Variants in MAF observed in about 807,000 individuals in gnomAD.
MAF encodes MAF bZIP transcription factor, also known as transcription factor Maf.
In MAF, 10 loss-of-function variants were observed where a neutral mutation model predicts 22.0. The observed-to-expected ratio is 0.45, with a 90% CI of 0.28 to 0.77. The LOEUF is 0.77. Ranked by LOEUF, MAF falls within the 30% of genes least tolerant of loss-of-function variation. The probability of loss-of-function intolerance (pLI) is 0.12; values close to 1 mark genes in which losing one functional copy is unlikely to be tolerated. For synonymous variants in MAF, 337 were observed against 255.8 expected, an observed-to-expected ratio of 1.32 and a Z score of -3.03; for missense variants, 544 against 548.4, an observed-to-expected ratio of 0.99 and a Z score of 0.08.
the MAF span, among the ~76,000 whole-genome samples, chr16:79,534,579 G>A: frequency 1.3e-5 from 2 of 149,300 alleles, no homozygotes; most frequent in African/African-American, 2.5e-5. Flanking sequence ...ACACACCGGG[G>A]CCTGTCATGG....
the MAF span, among the ~76,000 whole-genome samples, chr16:79,294,912 C>A: frequency 4.6e-5 from 7 of 152,146 alleles, no homozygotes; most frequent in African/African-American, 1.7e-4. Context: ...GAACAAGGAA[C>A]AAAGAAGGAG....
At chr16:79,438,079 G>A in the MAF span, among the ~76,000 whole-genome samples, 2 of 152,144 alleles carry the variant, frequency 1.3e-5, no homozygotes, top group African/African-American at 2.4e-5. Flanking sequence ...CCAGGTCTGA[G>A]CAGGCTTTAG....
chr16:79,208,474 G>C, the MAF span, among the ~76,000 whole-genome samples: 4,377 of 152,172 alleles, frequency 0.029, 220 homozygotes, highest in African/African-American at 0.1. Flanking sequence ...AGTAAGCATT[G>C]ATGACAACTG....
At chr16:79,480,619 G>C in the MAF span, among the ~76,000 whole-genome samples, 1 of 152,130 alleles carries the variant, frequency 6.6e-6, no homozygotes, top group Non-Finnish European at 1.5e-5. Context: ...ATGGAGGGAG[G>C]GTAGAAGGGT....
the MAF span, among the ~76,000 whole-genome samples, chr16:79,231,270 G>C: frequency 1.3e-5 from 2 of 152,054 alleles, no homozygotes; most frequent in Non-Finnish European, 2.9e-5. Flanking sequence ...ACCCGGGCTA[G>C]CATGCACACA....
At chr16:79,447,425 T>C in the MAF span, among the ~76,000 whole-genome samples, 4 of 151,776 alleles carry the variant, frequency 2.6e-5, no homozygotes, top group Non-Finnish European at 5.9e-5. Context: ...ATGTACAAGG[T>C]GATGGATGTT....
At chr16:79,393,273 G>A in the MAF span, among the ~76,000 whole-genome samples, 8 of 152,156 alleles carry the variant, frequency 5.3e-5, no homozygotes, top group South Asian at 1.4e-3. Flanking sequence ...GGATTCCAAA[G>A]GGATTTCTTT....
At chr16:79,320,134 C>T in the MAF span, among the ~76,000 whole-genome samples, 1 of 152,088 alleles carries the variant, frequency 6.6e-6, no homozygotes, top group Non-Finnish European at 1.5e-5. Context: ...AGGCAGAACC[C>T]ATGTCCAGGA....
chr16:79,406,848 G>T, the MAF span, among the ~76,000 whole-genome samples: 1 of 152,068 alleles, frequency 6.6e-6, no homozygotes, highest in Non-Finnish European at 1.5e-5. Context: ...GCCCTTCCTG[G>T]GACAGAGGAA....
At chr16:79,207,788 C>CTT in the MAF span, among the ~76,000 whole-genome samples, 24 of 150,788 alleles carry the variant, frequency 1.6e-4, no homozygotes, top group African/African-American at 4.4e-4. Flanking sequence ...TATGTGGGTG[C>CTT]TTTTTTTTTC....
At chr16:79,280,626 T>G in the MAF span, among the ~76,000 whole-genome samples, 4 of 152,154 alleles carry the variant, frequency 2.6e-5, no homozygotes, top group Non-Finnish European at 5.9e-5. Flanking sequence ...AAATAGATAT[T>G]TCTTCTCTCT....
chr16:79,223,495 C>A, the MAF span, among the ~76,000 whole-genome samples: 3 of 152,038 alleles, frequency 2.0e-5, no homozygotes, highest in African/African-American at 4.8e-5. Flanking sequence ...TAGCAAAAGA[C>A]AAGAAATAAC....
At chr16:79,218,244 CT>C in the MAF span, among the ~76,000 whole-genome samples, 1 of 138,610 alleles carries the variant, frequency 7.2e-6, no homozygotes, top group African/African-American at 2.6e-5. Flanking sequence ...CCCTTCCCCC[CT>C]CAAAGTCATC....
the MAF span, among the ~76,000 whole-genome samples, chr16:79,360,750 G>A: frequency 5.3e-5 from 8 of 152,052 alleles, no homozygotes; most frequent in East Asian, 1.9e-4. Context: ...TCAGAGAAGC[G>A]GCAAGATCCA....
chr16:79,321,934 TA>T, the MAF span, among the ~76,000 whole-genome samples: 7 of 151,750 alleles, frequency 4.6e-5, no homozygotes, highest in Non-Finnish European at 7.4e-5. Flanking sequence ...AACATCCTGT[TA>T]AAAAAAGGTC....
the MAF span, among the ~76,000 whole-genome samples, chr16:79,549,986 G>C: frequency 7.2e-5 from 11 of 152,262 alleles, no homozygotes; most frequent in African/African-American, 2.4e-4. Context: ...ATCTAGCCTT[G>C]GTGGCAGTAT....
chr16:79,448,661 G>C, the MAF span, among the ~76,000 whole-genome samples: 15 of 152,026 alleles, frequency 9.9e-5, no homozygotes, highest in Admixed American at 7.9e-4. Flanking sequence ...TCCAGACCTT[G>C]TGATCCACAC....
chr16:79,431,841 A>G, the MAF span, among the ~76,000 whole-genome samples: 3 of 152,194 alleles, frequency 2.0e-5, no homozygotes, highest in African/African-American at 7.2e-5. Flanking sequence ...ATGGCAAGTG[A>G]ATGCTCAGCA....
chr16:79,512,192 T>A, the MAF span, among the ~76,000 whole-genome samples: 1 of 152,222 alleles, frequency 6.6e-6, no homozygotes, highest in Non-Finnish European at 1.5e-5. Flanking sequence ...CCCTTGGATC[T>A]AAGCTAGAGG....
Sources: allele counts gnomAD v4.1 joint callset (sites outside exome capture counted in the v4.1 genomes callset), GRCh38; gene constraint gnomAD v4.1.1; transcripts MANE v1.5; gene names NCBI Gene and HGNC (gene_info 2026-07-23, HGNC 2026-07-21).